The following KRT26 variants were observed in gnomAD, a reference collection of about 807,000 sequenced individuals.
The protein encoded by KRT26 is keratin 26, also known as keratin, type I cytoskeletal 26.
In KRT26, 45 loss-of-function variants were observed where a neutral mutation model predicts 46.1. The ratio of observed to expected loss-of-function variants is 0.98; its 90% CI spans 0.77 to 1.25. The LOEUF (loss-of-function observed/expected upper bound fraction) is 1.25. KRT26 is among the 50% of genes most tolerant of loss of function. The probability of loss-of-function intolerance (pLI) is 0.00; values close to 1 mark genes in which losing one functional copy is unlikely to be tolerated. For missense variants in KRT26, 582 were observed against 560.1 expected, an observed-to-expected ratio of 1.04 and a Z score of -0.39; for synonymous variants, 191 against 209.9, an observed-to-expected ratio of 0.91 and a Z score of 0.78.
chr17:40,772,137 C>T (rs1406166783), exon 1 of KRT26: 2 of 1,605,228 alleles, frequency 1.2e-6, no homozygotes, highest in Admixed American at 1.7e-5. Context: ...CCGGGCAACC[C>T]CTTCCCAGAA....
intron 1 of KRT26, 44 bp downstream of exon 1, chr17:40,771,629 C>A: frequency 6.7e-7 from 1 of 1,498,032 alleles, no homozygotes; most frequent in Non-Finnish European, 9.1e-7. Context: ...AAATTATCAA[C>A]ACACAAAGTC....
In KRT26 at chr17:40,772,070, C is replaced by T. The variant is rs185169985; in HGVS notation, c.44G>A (p.Arg15Gln). Residue 15 changes from arginine (R) to glutamine (Q), a missense_variant, in exon 1 of 8, where the codon CGA (arginine) becomes CAA (glutamine). Coordinates refer to ENST00000335552, the Ensembl canonical transcript of KRT26. ...ACCGGACAGCCTACCAGACCCAGTT[C>T]GCGAGCAGATCCTCCTGGATCCACC... 160 of 1,614,112 alleles carry T rather than the reference C, an allele frequency of 9.9e-5. No homozygotes were observed. The highest frequency in any genetic ancestry group is 3.3e-4 in the Middle Eastern group (2 of 6,062).
At chr17:40,771,073 C>G in intron 2 of KRT26, 81 bp downstream of exon 2, 1 of 838,340 alleles carries the variant, frequency 1.2e-6, no homozygotes, top group Non-Finnish European at 1.8e-6. Flanking sequence ...TTTTGGTTTT[C>G]AAAGCAAAAT....
chr17:40,768,923 T>C, exon 6 of KRT26: 1 of 1,611,126 alleles, frequency 6.2e-7, no homozygotes, highest in Non-Finnish European at 8.5e-7. Context: ...CAATTTCTTT[T>C]TCTAAAAATA....
intron 4 of KRT26, 29 bp from the exon 5 acceptor site, chr17:40,769,908 G>A (rs766308471): frequency 6.2e-7 from 1 of 1,614,154 alleles, no homozygotes. Flanking sequence ...AAGGGTTAGT[G>A]ACTGGCCTGA....
intron 6 of KRT26, among the ~76,000 whole-genome samples, chr17:40,768,143 GA>G (rs1434389630): frequency 6.6e-6 from 1 of 152,232 alleles, no homozygotes; most frequent in African/African-American, 2.4e-5. Context: ...GTTCCTGTGA[GA>G]ATAGGCTGCA....
chr17:40,771,423 A>C (rs1489553404), intron 1 of KRT26, among the ~76,000 whole-genome samples, 187 bp from the exon 2 acceptor site: 1 of 152,238 alleles, frequency 6.6e-6, no homozygotes, highest in Non-Finnish European at 1.5e-5. Flanking sequence ...AGATACTTTT[A>C]CTACTTTTGA....
At position 40,771,756 on chromosome 17, in the gene KRT26, C is replaced by T. The variant is rs756147194; in HGVS notation, c.358G>A (p.Glu120Lys). 46 of 1,614,048 alleles carry T rather than the reference C, an allele frequency of 2.8e-5. No individual in the cohort carries two copies. The East Asian group carries it at 7.4e-4, about 26-fold the overall frequency. Residue 120 changes from glutamate to lysine, a missense_variant, in exon 1 of 8, where the codon GAG (glutamate) becomes AAG (lysine). Physicochemically the swap from Glu to Lys is moderately conservative, Grantham distance 56. Coordinates refer to ENST00000335552, the Ensembl canonical transcript of KRT26. The stretch of plus-strand genomic sequence containing the variant: ...CGGGAAGAGCCAGGCTCACATTTCT[C>T]GTACCAGCCCTTGATCTTCTGCTCC...
In KRT26 at chr17:40,771,529, C is replaced by G. The variant is rs2038221048; in HGVS notation, c.441+144G>C. On this transcript the variant is annotated intron_variant, in intron 1 of 7. Coordinates refer to ENST00000335552, the Ensembl canonical transcript of KRT26. ...TATTTAATTCTACAAGATTTTATTG[C>G]CAGGTACTGTGCTTAGCACTGGAAA... The G allele has an allele frequency of 4.3e-6, 3 of 693,974 alleles. No individual in the cohort carries two copies. The South Asian group carries it at 6.1e-5, about 14-fold the overall frequency. 43.0% of individuals were successfully genotyped at this position (693,974 alleles called of 1,614,324 possible). A position where few individuals can be genotyped will look rare whatever the true frequency, so the allele number is the denominator to read the frequency against.
rs752052158 is a variant in KRT26, at chr17:40,767,615, C to T, written c.1226G>A (p.Arg409Lys). Residue 409 changes from arginine to lysine, a missense_variant, in exon 7 of 8, where the codon AGG becomes AAG. Physicochemically the swap from Arg to Lys is conservative, Grantham distance 26 (BLOSUM62 2). Coordinates refer to ENST00000335552, the Ensembl canonical transcript of KRT26. ...GGCTTGATTTCCAGAATTCACAGGC[C>T]TGTATCCTTTTGATTTGTAACATGT... 4 of 1,606,808 alleles carry T rather than the reference C, an allele frequency of 2.5e-6. No individual in the cohort carries two copies. In the Admixed American group the frequency reaches 6.8e-5, roughly 27 times the overall value.
At chr17:40,768,847 GTT>G (rs5820360) in intron 6 of KRT26, 30 bp downstream of exon 6, 15,808 of 975,026 alleles carry the variant, frequency 0.016, no homozygotes, top group East Asian at 0.03. Flanking sequence ...TTAATGTGAG[GTT>G]TTTTTTTTTT....
At chr17:40,769,375 T>C (rs929482457) in intron 5 of KRT26, among the ~76,000 whole-genome samples, 1 of 152,192 alleles carries the variant, frequency 6.6e-6, no homozygotes, top group Non-Finnish European at 1.5e-5. Context: ...CTGGCTGGTC[T>C]TGAATTTCTG....
exon 2 of KRT26, chr17:40,771,184 G>A (rs778964680): frequency 6.2e-7 from 1 of 1,607,022 alleles, no homozygotes; most frequent in Non-Finnish European, 8.5e-7. Flanking sequence ...GGTCAGTCTG[G>A]CATTGTCATT....
chr17:40,769,140 T>A (rs895792008), intron 5 of KRT26, 44 bp from the exon 6 acceptor site: 2 of 1,224,822 alleles, frequency 1.6e-6, no homozygotes, highest in Non-Finnish European at 2.4e-6. Context: ...AAAAGAGAAA[T>A]GGCATGGTCA....
At chr17:40,770,108 C>T (rs764317893) in exon 4 of KRT26, 78 of 1,614,068 alleles carry the variant, frequency 4.8e-5, no homozygotes, top group Non-Finnish European at 5.8e-5. Flanking sequence ...CTGTATATTG[C>T]AAGACTTCCA....
chr17:40,768,327 T>C (rs1177060416), intron 6 of KRT26, among the ~76,000 whole-genome samples: 1 of 152,252 alleles, frequency 6.6e-6, no homozygotes, highest in African/African-American at 2.4e-5. Flanking sequence ...CAAGTATGGT[T>C]TTGGCTTTAT....
At position 40,769,077 on chromosome 17, in the gene KRT26, G is replaced by A. The variant is rs1211526672; in HGVS notation, c.989C>T (p.Ser330Phe). Residue 330 changes from serine to phenylalanine, a missense_variant, in exon 6 of 8, where the codon TCC becomes TTC. Coordinates refer to ENST00000335552, the Ensembl canonical transcript of KRT26. ...GTAATTTCCTTCAGTCTCAGCCAAG[G>A]AGCATTCATAGGAATGTTTCTGAAA... 6.8e-6 allele frequency: 11 copies of A among 1,613,298 alleles called. No homozygotes were observed. The highest frequency in any genetic ancestry group is 3.3e-5 in the Admixed American group (2 of 59,990).
exon 8 of KRT26, chr17:40,766,533 T>C (rs1412680882): frequency 2.5e-6 from 4 of 1,610,798 alleles, no homozygotes; most frequent in Non-Finnish European, 3.4e-6. Context: ...CTTTAGAAGG[T>C]ACTCGTTGCT....
At chr17:40,769,827 G>A (rs557898612) in exon 5 of KRT26, 3 of 1,613,978 alleles carry the variant, frequency 1.9e-6, no homozygotes, top group Non-Finnish European at 2.5e-6. Context: ...CTCATTTCTG[G>A]CTGCTGTGGC....
Sources: gnomAD v4.1 joint callset for allele counts (sites outside exome capture counted in the v4.1 genomes callset) on GRCh38, gnomAD v4.1.1 for gene constraint, MANE v1.5 for transcripts, NCBI Gene and HGNC (gene_info 2026-07-23, HGNC 2026-07-21) for gene names.